Variants in MARCHF3 observed in about 807,000 individuals in gnomAD.
MARCHF3 encodes the protein E3 ubiquitin-protein ligase MARCHF3.
In MARCHF3, 13 loss-of-function variants were observed where a neutral mutation model predicts 24.2. The ratio of observed to expected loss-of-function variants is 0.54; its 90% confidence interval spans 0.35 to 0.85. The LOEUF (loss-of-function observed/expected upper bound fraction) is 0.85, where lower values mean the gene tolerates loss of function less well. Ranked by LOEUF, MARCHF3 falls within the 40% of genes least tolerant of loss-of-function variation. The probability of loss-of-function intolerance (pLI) is 0.01; values close to 1 mark genes in which losing one functional copy is unlikely to be tolerated. For missense variants in MARCHF3, 276 were observed against 325.0 expected (o/e 0.85, Z 1.16); for synonymous variants, 144 against 137.3 (o/e 1.05, Z -0.34).
intron 3 of MARCHF3, among the ~76,000 whole-genome samples, chr5:126,903,540 C>A (rs150707899): frequency 5.3e-4 from 80 of 152,142 alleles, no homozygotes; most frequent in Non-Finnish European, 8.2e-4. Flanking sequence ...GAAACCAAAA[C>A]TCATAGTTTT....
intron 1 of MARCHF3, among the ~76,000 whole-genome samples, chr5:126,987,258 C>T (rs1448319113): frequency 6.6e-6 from 1 of 152,206 alleles, no homozygotes; most frequent in African/African-American, 2.4e-5. Flanking sequence ...TAGAAATCCA[C>T]TGTCATTCTT....
intron 3 of MARCHF3, among the ~76,000 whole-genome samples, chr5:126,889,289 C>T (rs1452281766): frequency 6.6e-5 from 10 of 151,956 alleles, no homozygotes; most frequent in African/African-American, 2.4e-5. Flanking sequence ...AGAGCCCCCA[C>T]TGGAGCACCA....
In MARCHF3 at chr5:126,915,078, T is replaced by G; in HGVS notation, c.245A>C (p.Asp82Ala). 6.2e-7 allele frequency: 1 copy of G among 1,614,106 alleles called. No homozygotes were observed. The highest frequency in any genetic ancestry group is 1.1e-5 in the South Asian group (1 of 91,076). The part of the protein sequence containing the change: ...RICHEGSSQE[D>A]LLSPCECTGT... ...TGTACATTCACATGGAGAGAGCAAGTCCTCTTGGCTGCTGCCCTCGTGGCA... is the reference window on the plus strand; with the variant it reads ...TGTACATTCACATGGAGAGAGCAAGGCCTCTTGGCTGCTGCCCTCGTGGCA... Residue 82 changes from aspartate (D) to alanine (A), a missense_variant, in exon 3 of 5, where the codon GAC becomes GCC. By Grantham distance (126) the Asp-to-Ala change is moderately radical. Transcript: ENST00000308660.
At chr5:126,933,756 C>T (rs1749551444) in intron 1 of MARCHF3, among the ~76,000 whole-genome samples, 2 of 152,128 alleles carry the variant, frequency 1.3e-5, no homozygotes, top group African/African-American at 2.4e-5. Flanking sequence ...TCTTTGGTAT[C>T]TTTTTAAAGC....
At chr5:126,893,266 G>A (rs374596328) in intron 3 of MARCHF3, among the ~76,000 whole-genome samples, 2,720 of 151,672 alleles carry the variant, frequency 0.018, 46 homozygotes, top group Non-Finnish European at 0.027. Context: ...ATTTTTTGAA[G>A]GGTTTTTTGT....
chr5:126,969,319 G>T (rs1750920452), intron 1 of MARCHF3, among the ~76,000 whole-genome samples: 1 of 152,172 alleles, frequency 6.6e-6, no homozygotes, highest in Non-Finnish European at 1.5e-5. Context: ...CTACTTTAGG[G>T]TTTTTTGCTC....
Position 126,868,504 on chromosome 5 carries a change from G to C in MARCHF3, c.*2129C>G, listed in dbSNP as rs1752844152. 2 of 152,318 alleles carry C rather than the reference G, an allele frequency of 1.3e-5. No homozygotes were observed. The highest frequency in any genetic ancestry group is 4.8e-5 in the African/African-American group (2 of 41,576). 9.4% of individuals were successfully genotyped at this position (152,318 alleles called of 1,614,324 possible). On this transcript the variant is annotated 3_prime_UTR_variant, in exon 5 of 5. Coordinates refer to ENST00000308660, the MANE Select transcript of MARCHF3 (RefSeq NM_178450.5). ...AATGTGCAAACCCTTCCTAATGCAG[G>C]ATCCCCATTGAACGGCCTGGGACCT...
At chr5:126,969,601 G>A (rs1045989733) in intron 1 of MARCHF3, among the ~76,000 whole-genome samples, 1 of 152,202 alleles carries the variant, frequency 6.6e-6, no homozygotes, top group Non-Finnish European at 1.5e-5. Context: ...AACCAAGGGA[G>A]GATGGCATGG....
intron 3 of MARCHF3, among the ~76,000 whole-genome samples, chr5:126,908,967 C>A (rs1057024333): frequency 1.3e-5 from 2 of 152,152 alleles, no homozygotes; most frequent in Non-Finnish European, 2.9e-5. Flanking sequence ...TACTTTTGGT[C>A]TTTGATGATG....
At chr5:126,988,324 G>A (rs1378111190) in intron 1 of MARCHF3, among the ~76,000 whole-genome samples, 5 of 152,282 alleles carry the variant, frequency 3.3e-5, no homozygotes, top group Non-Finnish European at 7.3e-5. Flanking sequence ...ATATATAAGA[G>A]CAGGGGAAAC....
Position 126,980,137 on chromosome 5 carries a change from G to A in MARCHF3, c.-57+50213C>T, listed in dbSNP as rs561193122. On this transcript the variant is annotated intron_variant, in intron 1 of 4. Transcript: ENST00000308660. ...GAAAGCAAAATCTTTCCTCTTCTGC[G>A]CACCTTCTCTGTTGGGGATGCCAAA... Among the ~76,000 whole-genome samples, 58 of 151,836 alleles carry A rather than the reference G, an allele frequency of 3.8e-4. 1 individual carries two copies. The highest frequency in any genetic ancestry group is 7.5e-4 in the Non-Finnish European group (51 of 67,966).
chr5:126,938,156 G>A (rs1402578970), intron 1 of MARCHF3, among the ~76,000 whole-genome samples: 1 of 147,244 alleles, frequency 6.8e-6, no homozygotes, highest in Non-Finnish European at 1.5e-5. Flanking sequence ...CAGCTCTGTT[G>A]ATCTGATTCT....
At chr5:126,874,066 G>T (rs947046189) in intron 4 of MARCHF3, among the ~76,000 whole-genome samples, 2 of 152,322 alleles carry the variant, frequency 1.3e-5, no homozygotes, top group African/African-American at 4.8e-5. Context: ...TTGAGTTTAG[G>T]AGAGAGGAGG....
chr5:126,916,844 G>C (rs964749011), intron 2 of MARCHF3, among the ~76,000 whole-genome samples: 1 of 152,108 alleles, frequency 6.6e-6, no homozygotes, highest in Admixed American at 6.5e-5. Context: ...GTCTCAGTTC[G>C]CAGAGGACCG....
intron 1 of MARCHF3, among the ~76,000 whole-genome samples, chr5:126,932,013 G>T (rs1181509039): frequency 1.3e-5 from 2 of 152,186 alleles, no homozygotes; most frequent in Admixed American, 6.5e-5. Context: ...AACATTTGAG[G>T]ATTAAATGAA....
intron 1 of MARCHF3, among the ~76,000 whole-genome samples, chr5:126,991,525 T>C (rs996965589): frequency 6.6e-6 from 1 of 152,154 alleles, no homozygotes. Context: ...TGTGCACATG[T>C]ACCCTAGAAC....
Position 126,990,996 on chromosome 5 carries a change from C to T in MARCHF3, c.-57+39354G>A, listed in dbSNP as rs190199228. 1.3e-3 allele frequency among the ~76,000 whole-genome samples: 203 copies of T among 152,322 alleles called. 2 individuals are homozygous for T. The highest frequency in any genetic ancestry group is 4.7e-3 in the African/African-American group (194 of 41,568). ...ACTGTGGAAGACAGTGTGGCGATTT[C>T]TCAAGGATCTAGAACTAGAAATAGC... On this transcript the variant is annotated intron_variant, in intron 1 of 4. Coordinates refer to ENST00000308660, the MANE Select transcript of MARCHF3 (RefSeq NM_178450.5).
At chr5:126,966,377 G>C (rs1006970751) in intron 1 of MARCHF3, among the ~76,000 whole-genome samples, 21 of 152,086 alleles carry the variant, frequency 1.4e-4, no homozygotes, top group African/African-American at 4.8e-4. Context: ...TATAAGATTA[G>C]AAGGCAGTAT....
chr5:127,015,599 C>T (rs1752614043), intron 1 of MARCHF3, among the ~76,000 whole-genome samples: 2 of 152,182 alleles, frequency 1.3e-5, no homozygotes, highest in African/African-American at 4.8e-5. Context: ...AAGCATTCTG[C>T]TTCATTTCTG....
Sources: allele counts gnomAD v4.1 joint callset (sites outside exome capture counted in the v4.1 genomes callset), GRCh38; gene constraint gnomAD v4.1.1; transcripts MANE v1.5; gene names NCBI Gene and HGNC (gene_info 2026-07-23, HGNC 2026-07-21).